Variants in RPRD2 observed in about 807,000 individuals in gnomAD.
RPRD2 encodes regulation of nuclear pre-mRNA domain-containing protein 2.
RPRD2 carries 12 observed loss-of-function variants against 104.4 expected under a neutral mutation model. The ratio of observed to expected loss-of-function variants is 0.11; its 90% confidence interval spans 0.07 to 0.19. The LOEUF (loss-of-function observed/expected upper bound fraction) is 0.19. Among genes scored for constraint, RPRD2 ranks in the 10% least tolerant of loss-of-function variants. RPRD2 has a pLI of 1.00. For missense variants in RPRD2, 1,543 were observed against 1,790.1 expected, an observed-to-expected ratio of 0.86 and a Z score of 2.49; for synonymous variants, 714 against 684.9, an observed-to-expected ratio of 1.04 and a Z score of -0.66.
intron 2 of RPRD2, among the ~76,000 whole-genome samples, chr1:150,434,147 G>T (rs1665839301): frequency 6.6e-6 from 1 of 152,148 alleles, no homozygotes; most frequent in Admixed American, 6.5e-5. Context: ...TTGAGGCCAG[G>T]AGTTCAAGAC....
At position 150,471,420 on chromosome 1, in the gene RPRD2, T is replaced by C; in HGVS notation, c.2472T>C (p.Asp824=). The C allele has an allele frequency of 6.2e-7, 1 of 1,613,962 alleles. No individual in the cohort carries two copies. The highest frequency in any genetic ancestry group is 8.5e-7 in the Non-Finnish European group (1 of 1,179,884). ...CTTCACAGGAAAAGTTCTACCCAGA[T>C]ACTTCTTTCCAAGAAGATGAGGATT... The part of the protein sequence containing the change: ...MDSSQEKFYP[D]TSFQEDEDYR... The change falls in exon 11 of 11, where the codon GAT becomes GAC. Residue 824 remains aspartate, a synonymous_variant. Transcript: ENST00000369068. The surrounding 1 kb of genome is among the most constrained non-coding windows in gnomAD (Gnocchi z 5.3).
chr1:150,396,737 A>G (rs12039882), intron 1 of RPRD2, among the ~76,000 whole-genome samples: 4,736 of 152,218 alleles, frequency 0.031, 140 homozygotes, highest in East Asian at 0.11. Flanking sequence ...CACATAGCCA[A>G]TGCAACACTA....
chr1:150,411,904 T>A (rs1553887755), intron 1 of RPRD2, among the ~76,000 whole-genome samples: 1 of 151,186 alleles, frequency 6.6e-6, no homozygotes, highest in East Asian at 1.9e-4. Context: ...GGTGGGTGGA[T>A]TGCTTGAGGT....
At chr1:150,397,383 A>G (rs1377636637) in intron 1 of RPRD2, among the ~76,000 whole-genome samples, 1 of 152,184 alleles carries the variant, frequency 6.6e-6, no homozygotes, top group Non-Finnish European at 1.5e-5. Flanking sequence ...CTTTAAATGT[A>G]CAGTTCTATA....
intron 7 of RPRD2, among the ~76,000 whole-genome samples, chr1:150,446,959 G>A (rs587642305): frequency 2.0e-5 from 3 of 148,378 alleles, no homozygotes; most frequent in East Asian, 2.1e-4. Flanking sequence ...CCTTAGCCCC[G>A]CTGAGTAGCT....
At chr1:150,468,258 G>A (rs6685125) in intron 10 of RPRD2, among the ~76,000 whole-genome samples, 17,615 of 151,602 alleles carry the variant, frequency 0.12, 1,435 homozygotes, top group East Asian at 0.44. Flanking sequence ...GGGAGGCCAC[G>A]ATGGGAGGAT....
At chr1:150,390,020 A>T (rs1553882883) in intron 1 of RPRD2, among the ~76,000 whole-genome samples, 1 of 152,200 alleles carries the variant, frequency 6.6e-6, no homozygotes, top group Non-Finnish European at 1.5e-5. Flanking sequence ...AGTAAATGCA[A>T]ATACATTTTT....
At chr1:150,433,150 T>A (rs891937303) in intron 2 of RPRD2, among the ~76,000 whole-genome samples, 16 of 151,938 alleles carry the variant, frequency 1.1e-4, no homozygotes, top group Non-Finnish European at 2.9e-5. Context: ...CCCATAAAAA[T>A]TTTTTTAAAT....
At chr1:150,380,368 C>T (rs1041560706) in intron 1 of RPRD2, among the ~76,000 whole-genome samples, 1 of 152,010 alleles carries the variant, frequency 6.6e-6, no homozygotes, top group African/African-American at 2.4e-5. Context: ...TTCCCTCGCC[C>T]ATCATTCTCT....
intron 2 of RPRD2, among the ~76,000 whole-genome samples, chr1:150,424,395 T>C (rs1664971671): frequency 1.3e-5 from 2 of 152,082 alleles, no homozygotes; most frequent in South Asian, 4.1e-4. Context: ...GTTCAAGCGA[T>C]TCTCCTGCCT....
At chr1:150,462,462 CAAAA>C (rs147070994) in intron 9 of RPRD2, among the ~76,000 whole-genome samples, 16 of 147,376 alleles carry the variant, frequency 1.1e-4, no homozygotes, top group Non-Finnish European at 1.8e-4. Flanking sequence ...AAACAAAAAA[CAAAA>C]AAAAAACCTG....
At chr1:150,383,313 T>TG (rs1195478011) in intron 1 of RPRD2, among the ~76,000 whole-genome samples, 3 of 149,578 alleles carry the variant, frequency 2.0e-5, no homozygotes, top group African/African-American at 7.4e-5. Context: ...GAGGTTTTTT[T>TG]TTTTTTTTTT....
Position 150,470,749 on chromosome 1 carries a change from G to A in RPRD2, c.1801G>A (p.Val601Ile). 6 of 1,614,016 alleles carry A rather than the reference G, an allele frequency of 3.7e-6. No individual in the cohort carries two copies. The South Asian group carries it at 4.4e-5, about 12-fold the overall frequency. ...NYSPNSSTSE[V>I]SSTSASKASI... Reference sequence around the variant, plus strand: ...TTCTCCTAACTCATCAACTTCTGAAGTCTCTTCAACTTCAGCCAGCAAGGC... The same window carrying A: ...TTCTCCTAACTCATCAACTTCTGAAATCTCTTCAACTTCAGCCAGCAAGGC... Residue 601 changes from valine (V) to isoleucine (I), a missense_variant, in exon 11 of 11, where the codon GTC (valine) becomes ATC (isoleucine). Val to Ile is a conservative substitution (Grantham distance 29). This residue lies in a region of RPRD2 where 572 missense variants were observed against 787.3 expected (regional missense o/e 0.73). Transcript: ENST00000369068.
rs587667573 is a variant in RPRD2, at chr1:150,476,420, C to A, written c.*3086C>A. 2 of 152,162 alleles carry A rather than the reference C, an allele frequency of 1.3e-5. No homozygotes were observed. Among genetic ancestry groups the A allele is most frequent in the Admixed American group, 1.3e-4 (2 of 15,276 alleles). The allele number at this position is 152,162 out of a possible 1,614,324, so 9.4% of individuals were successfully genotyped here. A position where few individuals can be genotyped will look rare whatever the true frequency, so the allele number is the denominator to read the frequency against. The stretch of plus-strand genomic sequence containing the variant: ...ATTTTTTTTAAGTGGGCGGGGGCGC[C>A]TGTTAAGATCTAAAATAGATATGTT... On this transcript the variant is annotated 3_prime_UTR_variant, in exon 11 of 11. Coordinates refer to ENST00000369068, the MANE Select transcript of RPRD2 (RefSeq NM_015203.5).
intron 1 of RPRD2, among the ~76,000 whole-genome samples, chr1:150,377,281 A>G (rs1307958642): frequency 6.6e-6 from 1 of 151,264 alleles, no homozygotes; most frequent in African/African-American, 2.4e-5. Flanking sequence ...GGGTGCTGAA[A>G]GAGATGGAAT....
At position 150,473,482 on chromosome 1, in the gene RPRD2, T is replaced by C. The variant is rs1668734482; in HGVS notation, c.*148T>C. The stretch of plus-strand genomic sequence containing the variant: ...CTCTCTTCCAAAGTAAGAAATCACA[T>C]ACGCTTACGTTTTACTATTCAATTC... On this transcript the variant is annotated 3_prime_UTR_variant, in exon 11 of 11. Coordinates refer to ENST00000369068, the MANE Select transcript of RPRD2 (RefSeq NM_015203.5). 3.4e-6 allele frequency: 2 copies of C among 591,246 alleles called. No individual in the cohort carries two copies. The highest frequency in any genetic ancestry group is 5.4e-6 in the Non-Finnish European group (2 of 373,622). 36.6% of individuals were successfully genotyped at this position (591,246 alleles called of 1,614,324 possible). A position where few individuals can be genotyped will look rare whatever the true frequency, so the allele number is the denominator to read the frequency against.
At chr1:150,385,788 A>AT (rs1313503521) in intron 1 of RPRD2, among the ~76,000 whole-genome samples, 5 of 152,192 alleles carry the variant, frequency 3.3e-5, no homozygotes, top group African/African-American at 7.2e-5. Context: ...CTGAACTTTT[A>AT]ATTTTTCTCT....
chr1:150,426,745 G>C (rs782654270), intron 2 of RPRD2, among the ~76,000 whole-genome samples: 1 of 152,170 alleles, frequency 6.6e-6, no homozygotes, highest in Non-Finnish European at 1.5e-5. Flanking sequence ...TTGTTCAATG[G>C]GTATAGAGTT....
intron 7 of RPRD2, among the ~76,000 whole-genome samples, chr1:150,449,791 C>T (rs1346610681): frequency 6.6e-6 from 1 of 152,106 alleles, no homozygotes; most frequent in African/African-American, 2.4e-5. Context: ...TAACAAATGG[C>T]TTCGTGTTTT....
Sources: gnomAD v4.1 joint callset for allele counts (sites outside exome capture counted in the v4.1 genomes callset) on GRCh38, gnomAD v4.1.1 for gene constraint, gnomAD v4.1.1 regional missense constraint, Gnocchi (gnomAD v3.1) non-coding constraint, MANE v1.5 for transcripts, NCBI Gene and HGNC (gene_info 2026-07-23, HGNC 2026-07-21) for gene names.